The following KIAA0319L variants were observed in gnomAD, a reference collection of about 807,000 sequenced individuals.
KIAA0319L encodes KIAA0319 like, also known as dyslexia-associated protein KIAA0319-like protein.
KIAA0319L carries 55 observed loss-of-function variants against 120.1 expected under a neutral mutation model. That is an observed-to-expected ratio of 0.46 (90% CI 0.37 to 0.57). KIAA0319L has a LOEUF of 0.57. Among genes scored for constraint, KIAA0319L ranks in the 20% least tolerant of loss-of-function variants. KIAA0319L has a pLI of 0.00. For synonymous variants in KIAA0319L, 398 were observed against 471.9 expected, an observed-to-expected ratio of 0.84 and a Z score of 2.03; for missense variants, 1,049 against 1,255.3, an observed-to-expected ratio of 0.84 and a Z score of 2.48.
chr1:35,445,327 CT>C (rs991399233), intron 16 of KIAA0319L, among the ~76,000 whole-genome samples: 4 of 152,078 alleles, frequency 2.6e-5, no homozygotes, highest in African/African-American at 9.7e-5. Context: ...CAAAAAAAAA[CT>C]TTTGCCATAA....
chr1:35,552,453 T>C (rs1647297658), intron 2 of KIAA0319L, among the ~76,000 whole-genome samples: 1 of 152,174 alleles, frequency 6.6e-6, no homozygotes, highest in African/African-American at 2.4e-5. Context: ...TTTAGAATCC[T>C]ACCTCCACCA....
At position 35,466,682 on chromosome 1, in the gene KIAA0319L, A is replaced by G. The variant is rs766489531; in HGVS notation, c.1127T>C (p.Leu376Pro). The change falls in exon 7 of 21, where the codon CTG becomes CCG. Residue 376 changes from leucine (L) to proline (P), a missense_variant. Coordinates refer to ENST00000325722, the MANE Select transcript of KIAA0319L (RefSeq NM_024874.5). Reference protein sequence around the residue: ...ILKLSKLTPGLYEFKVIVEGQ... With the variant: ...ILKLSKLTPGPYEFKVIVEGQ... ...CTCTACAATCACTTTGAATTCATAC[A>G]GGCCTGGAGTGAGCTGCAGAAGTGA... 2.5e-6 allele frequency: 4 copies of G among 1,611,686 alleles called. No homozygotes were observed. In the South Asian group the frequency reaches 3.3e-5, roughly 13 times the overall value.
intron 2 of KIAA0319L, among the ~76,000 whole-genome samples, chr1:35,552,168 C>A (rs1303296249): frequency 6.6e-6 from 1 of 152,136 alleles, no homozygotes; most frequent in Non-Finnish European, 1.5e-5. Context: ...ATGGAGAAAC[C>A]TGGTCTCTAC....
At chr1:35,516,632 C>G (rs781381446) in intron 2 of KIAA0319L, among the ~76,000 whole-genome samples, 5 of 152,064 alleles carry the variant, frequency 3.3e-5, no homozygotes, top group Non-Finnish European at 5.9e-5. Flanking sequence ...GCATTCCCTT[C>G]GAAAACCAGC....
chr1:35,546,134 C>T (rs1215644092), intron 2 of KIAA0319L, among the ~76,000 whole-genome samples: 1 of 151,946 alleles, frequency 6.6e-6, no homozygotes, highest in African/African-American at 2.4e-5. Flanking sequence ...ACACAGGTTA[C>T]AAGTGAGGAA....
At chr1:35,493,091 A>G (rs1260106930) in intron 3 of KIAA0319L, among the ~76,000 whole-genome samples, 4 of 152,226 alleles carry the variant, frequency 2.6e-5, no homozygotes, top group African/African-American at 9.6e-5. Flanking sequence ...TTGGAGAAGA[A>G]GTAAAGCTGT....
chr1:35,491,628 T>A lies in KIAA0319L; in HGVS notation c.667-12416A>T, dbSNP rs539738073. On this transcript the variant is annotated intron_variant, in intron 3 of 20. Transcript: ENST00000325722. ...AGGGAAAATATTAAATGTAATATTT[T>A]AAAAAAAGGATTAGCGCAGAAATCA... Among the ~76,000 whole-genome samples, 91 of 152,078 alleles carry A rather than the reference T, an allele frequency of 6.0e-4. 1 individual carries two copies. Among genetic ancestry groups the A allele is most frequent in the African/African-American group, 1.9e-3 (79 of 41,476 alleles).
At chr1:35,458,432 G>A (rs576570251) in intron 9 of KIAA0319L, among the ~76,000 whole-genome samples, 15 of 152,202 alleles carry the variant, frequency 9.9e-5, no homozygotes, top group Admixed American at 3.9e-4. Flanking sequence ...AAAGAGAGAG[G>A]AAAAGGTGAG....
chr1:35,513,288 A>ATT lies in KIAA0319L; in HGVS notation c.143-6155_143-6154dup, dbSNP rs67198806. 5.1e-3 allele frequency among the ~76,000 whole-genome samples: 435 copies of ATT among 85,214 alleles called. 5 individuals are homozygous for ATT. Among genetic ancestry groups the ATT allele is most frequent in the African/African-American group, 0.014 (328 of 23,464 alleles). The allele number at this position is 85,214 out of a possible 152,430, so 55.9% of individuals were successfully genotyped here. ...ATAACATATATATATATATATATAT[A>ATT]TTTTTTTTTTTTTTTTTTTCTGTCC... On this transcript the variant is annotated intron_variant, in intron 2 of 20. Transcript: ENST00000325722.
At chr1:35,496,888 G>A (rs971335102) in intron 3 of KIAA0319L, among the ~76,000 whole-genome samples, 2 of 149,850 alleles carry the variant, frequency 1.3e-5, no homozygotes, top group East Asian at 2.0e-4. Context: ...TCGAGGCTGC[G>A]GAGAGCAGAA....
At chr1:35,537,578 G>T (rs1184052200) in intron 2 of KIAA0319L, among the ~76,000 whole-genome samples, 1 of 130,924 alleles carries the variant, frequency 7.6e-6, no homozygotes, top group Non-Finnish European at 1.6e-5. Flanking sequence ...TTTACCCATT[G>T]AAACTCTCTC....
intron 2 of KIAA0319L, among the ~76,000 whole-genome samples, chr1:35,528,674 T>C (rs984956227): frequency 3.9e-5 from 6 of 152,238 alleles, no homozygotes; most frequent in African/African-American, 9.6e-5. Flanking sequence ...TTGATTTTTC[T>C]GTTAAGATAA....
In KIAA0319L at chr1:35,441,155, C is replaced by T. The variant is rs980869552; in HGVS notation, c.2871-17G>A. ...CCTTTTTGCCTAAAAAACACAACCC[C>T]CACCCCTGCTCAGGAAAGAGGTTCT... On this transcript the variant is annotated splice_polypyrimidine_tract_variant and intron_variant, in intron 19 of 20. Transcript: ENST00000325722. 23 of 1,607,762 alleles carry T rather than the reference C, an allele frequency of 1.4e-5. No individual in the cohort carries two copies. The highest frequency in any genetic ancestry group is 3.3e-5 in the Admixed American group (2 of 59,990).
chr1:35,522,616 T>A (rs566440002), intron 2 of KIAA0319L, among the ~76,000 whole-genome samples: 1 of 152,268 alleles, frequency 6.6e-6, no homozygotes, highest in South Asian at 2.1e-4. Flanking sequence ...AATGTACCCG[T>A]ATTATTTTCT....
chr1:35,452,736 A>G (rs1642154660), intron 12 of KIAA0319L, among the ~76,000 whole-genome samples: 1 of 152,198 alleles, frequency 6.6e-6, no homozygotes, highest in Admixed American at 6.5e-5. Context: ...TGAGGGAAAT[A>G]ATTTCTAGAT....
chr1:35,491,645 C>T (rs1310253509), intron 3 of KIAA0319L, among the ~76,000 whole-genome samples: 2 of 151,772 alleles, frequency 1.3e-5, no homozygotes, highest in East Asian at 3.9e-4. Context: ...AGGATTAGCG[C>T]AGAAATCAAT....
In KIAA0319L at chr1:35,443,045, A is replaced by C. The variant is rs748212087; in HGVS notation, c.2657-17T>G. The C allele has an allele frequency of 2.3e-5, 37 of 1,613,972 alleles. No individual in the cohort carries two copies. Among genetic ancestry groups the C allele is most frequent in the Non-Finnish European group, 3.1e-5 (36 of 1,179,982 alleles). On this transcript the variant is annotated splice_polypyrimidine_tract_variant and intron_variant, in intron 17 of 20. Transcript: ENST00000325722. ...GCTGACATGCTGAGAGTGGCAGCAA[A>C]GGGAAGAAAGTCAACAAGACTCAGC...
Position 35,448,165 on chromosome 1 carries a change from C to A in KIAA0319L, c.2513+8G>T. The A allele has an allele frequency of 6.3e-7, 1 of 1,580,674 alleles. No individual in the cohort carries two copies. Among genetic ancestry groups the A allele is most frequent in the South Asian group, 1.2e-5 (1 of 86,836 alleles). Reference sequence around the variant, plus strand: ...TTCCTTTGCTCCCCCCATTCATTGCCCAGCTACCTCTGCTCCGTGTACGGC... The same window carrying A: ...TTCCTTTGCTCCCCCCATTCATTGCACAGCTACCTCTGCTCCGTGTACGGC... On this transcript the variant is annotated splice_region_variant and intron_variant, in intron 16 of 20. Transcript: ENST00000325722.
chr1:35,517,466 G>A (rs1645732040), intron 2 of KIAA0319L, among the ~76,000 whole-genome samples: 1 of 152,156 alleles, frequency 6.6e-6, no homozygotes. Context: ...ATGAGGAAAA[G>A]ACACCTTACT....
Sources: gnomAD v4.1 joint callset for allele counts (sites outside exome capture counted in the v4.1 genomes callset) on GRCh38, gnomAD v4.1.1 for gene constraint, MANE v1.5 for transcripts, NCBI Gene and HGNC (gene_info 2026-07-23, HGNC 2026-07-21) for gene names.